Variants in MEI1 observed in about 807,000 individuals in gnomAD.
The protein encoded by MEI1 is meiotic double-stranded break formation protein 1.
A neutral mutation model predicts 146.2 loss-of-function variants in MEI1; 103 were observed. The observed-to-expected ratio is 0.70, with a 90% confidence interval of 0.60 to 0.83. The LOEUF (loss-of-function observed/expected upper bound fraction) is 0.83. MEI1 is among the 40% of genes least tolerant of loss of function. The pLI, the probability that MEI1 is intolerant of heterozygous loss-of-function variation, is 0.00. For synonymous variants in MEI1, 652 were observed against 628.2 expected, an observed-to-expected ratio of 1.04 and a Z score of -0.57; for missense variants, 1,529 against 1,533.0, an observed-to-expected ratio of 1.00 and a Z score of 0.04.
At chr22:41,735,418 G>A (rs2072267689) in intron 11 of MEI1, among the ~76,000 whole-genome samples, 1 of 151,978 alleles carries the variant, frequency 6.6e-6, no homozygotes, top group South Asian at 2.1e-4. Flanking sequence ...ATTTTTAGTA[G>A]AGACGGGGTT....
At chr22:41,779,239 G>A (rs376253348) in intron 22 of MEI1, among the ~76,000 whole-genome samples, 2 of 152,128 alleles carry the variant, frequency 1.3e-5, no homozygotes, top group East Asian at 1.9e-4. Flanking sequence ...TTGAGCTCAG[G>A]AGTTCAAGAC....
chr22:41,782,988 T>G (rs2075820245), intron 24 of MEI1, among the ~76,000 whole-genome samples: 1 of 152,130 alleles, frequency 6.6e-6, no homozygotes, highest in Non-Finnish European at 1.5e-5. Flanking sequence ...AGCCACAGTC[T>G]GTCCTCACAC....
intron 3 of MEI1, chr22:41,709,131 A>G: frequency 1.4e-6 from 1 of 697,774 alleles, no homozygotes; most frequent in South Asian, 1.5e-5. Flanking sequence ...GCTTAAAAAA[A>G]TTCTGCATTT....
chr22:41,718,008 G>A, intron 5 of MEI1, 63 bp from the exon 6 acceptor site: 1 of 1,272,480 alleles, frequency 7.9e-7, no homozygotes, highest in Non-Finnish European at 1.1e-6. Flanking sequence ...TAATAGATTG[G>A]AGTTTCATAT....
intron 21 of MEI1, among the ~76,000 whole-genome samples, chr22:41,776,942 T>G (rs2075470476): frequency 6.6e-6 from 1 of 151,774 alleles, no homozygotes; most frequent in Non-Finnish European, 1.5e-5. Context: ...GCCTCCCAAG[T>G]AGCTGGGACT....
In MEI1 at chr22:41,743,038, C is replaced by T. The variant is rs763849711; in HGVS notation, c.1332-42C>T. On this transcript the variant is annotated intron_variant, in intron 11 of 30. Coordinates refer to ENST00000401548, the MANE Select transcript of MEI1 (RefSeq NM_152513.4). ...GAACCTGGGGTTATCTTGGGAATAC[C>T]GTTGCCTTACCGTGAACCTGCTTTT... The T allele has an allele frequency of 2.7e-5, 39 of 1,431,984 alleles. 1 individual carries two copies. Among genetic ancestry groups the T allele is most frequent in the Non-Finnish European group, 4.9e-6 (5 of 1,022,120 alleles). 88.7% of individuals were successfully genotyped at this position (1,431,984 alleles called of 1,614,324 possible).
chr22:41,793,132 G>T (rs2076244394), intron 26 of MEI1, among the ~76,000 whole-genome samples: 2 of 143,412 alleles, frequency 1.4e-5, no homozygotes, highest in Non-Finnish European at 3.0e-5. Context: ...TCTGCTCCCG[G>T]GTTCAAGCAA....
At chr22:41,794,035 T>C in intron 27 of MEI1, 125 bp downstream of exon 27, 4 of 948,308 alleles carry the variant, frequency 4.2e-6, no homozygotes, top group African/African-American at 1.6e-5. Flanking sequence ...TTAATTCTTT[T>C]AGCAGCACTG....
At chr22:41,742,215 ACAC>A (rs1569227463) in intron 11 of MEI1, among the ~76,000 whole-genome samples, 1 of 152,010 alleles carries the variant, frequency 6.6e-6, no homozygotes. Flanking sequence ...AGCCAAGATC[ACAC>A]CACTGCACTC....
chr22:41,701,088 C>T (rs1334045783), intron 1 of MEI1, among the ~76,000 whole-genome samples: 2 of 151,856 alleles, frequency 1.3e-5, no homozygotes, highest in South Asian at 2.1e-4. Context: ...TACATGCATG[C>T]GTCACTACGC....
At position 41,795,882 on chromosome 22, in the gene MEI1, C is replaced by T; in HGVS notation, c.3779+35C>T. 1 of 1,612,604 alleles carries T rather than the reference C, an allele frequency of 6.2e-7. No individual in the cohort carries two copies. Among genetic ancestry groups the T allele is most frequent in the African/African-American group, 1.3e-5 (1 of 74,908 alleles). On this transcript the variant is annotated intron_variant, in intron 30 of 30. Transcript: ENST00000401548. The surrounding 1 kb of genome is among the most constrained non-coding windows in gnomAD (Gnocchi z 4.2). ...CTTGCATCTATGATGAAGGAGATGC[C>T]AAATCACTGGGTGTTTGGGGCTTCT...
At position 41,770,899 on chromosome 22, in the gene MEI1, G is replaced by A; in HGVS notation, c.2482G>A (p.Ala828Thr). The A allele has an allele frequency of 6.2e-7, 1 of 1,614,018 alleles. No homozygotes were observed. Among genetic ancestry groups the A allele is most frequent in the Non-Finnish European group, 8.5e-7 (1 of 1,179,896 alleles). Residue 828 changes from alanine to threonine, a missense_variant, in exon 20 of 31, where the codon GCC (alanine) becomes ACC (threonine). Ala to Thr is a moderately conservative substitution (Grantham distance 58, BLOSUM62 0). Around this residue, in one of 3 missense-constraint regions of MEI1, gnomAD observed 1,212 missense variants for 1,178.9 expected, o/e 1.03. Coordinates refer to ENST00000401548, the MANE Select transcript of MEI1 (RefSeq NM_152513.4). The part of the protein sequence containing the change: ...VTSAGQPALP[A>T]SLVVLFQLLR... Reference sequence around the variant, plus strand: ...CTCTGCTGGGCAGCCCGCCCTTCCTGCCAGCTTAGTAGTCCTGTTCCAGTT... The same window carrying A: ...CTCTGCTGGGCAGCCCGCCCTTCCTACCAGCTTAGTAGTCCTGTTCCAGTT...
Position 41,716,049 on chromosome 22 carries a change from C to T in MEI1, c.432C>T (p.Asn144=), listed in dbSNP as rs1296969123. The T allele has an allele frequency of 1.9e-6, 3 of 1,607,942 alleles. No homozygotes were observed. The highest frequency in any genetic ancestry group is 2.5e-6 in the Non-Finnish European group (3 of 1,176,924). Residue 144 remains asparagine (N), a synonymous_variant, in exon 5 of 31, where the codon AAC becomes AAT. Coordinates refer to ENST00000401548, the MANE Select transcript of MEI1 (RefSeq NM_152513.4). ...ATATTCACTTTCTGTAGCTGTGTAA[C>T]ATGCCCTCCATGCGAGGCAGCCTGG... is the stretch of plus-strand genomic sequence containing the variant. The part of the protein sequence containing the change: ...LLDECHKELC[N]MPSMRGSLAT...
chr22:41,729,415 C>T (rs1034900020), intron 7 of MEI1, among the ~76,000 whole-genome samples: 1 of 152,180 alleles, frequency 6.6e-6, no homozygotes, highest in African/African-American at 2.4e-5. Flanking sequence ...ATAACAGTTA[C>T]AGTGTTCTTT....
At chr22:41,729,225 C>T (rs1038079575) in intron 7 of MEI1, among the ~76,000 whole-genome samples, 3 of 147,904 alleles carry the variant, frequency 2.0e-5, no homozygotes, top group African/African-American at 5.0e-5. Flanking sequence ...CCCCGCTACT[C>T]AGGAGGCTGA....
At chr22:41,707,637 T>C (rs1021663114) in intron 3 of MEI1, among the ~76,000 whole-genome samples, 5 of 151,638 alleles carry the variant, frequency 3.3e-5, no homozygotes, top group African/African-American at 7.3e-5. Context: ...AGCAAGACTG[T>C]CTCTTAAAAA....
intron 6 of MEI1, among the ~76,000 whole-genome samples, chr22:41,718,611 A>G (rs1369610482): frequency 6.6e-6 from 1 of 152,200 alleles, no homozygotes; most frequent in Non-Finnish European, 1.5e-5. Context: ...AAATTCTTCC[A>G]TGGTTCCCTC....
At chr22:41,793,415 C>G (rs1010418398) in intron 26 of MEI1, among the ~76,000 whole-genome samples, 23 of 152,170 alleles carry the variant, frequency 1.5e-4, no homozygotes, top group African/African-American at 5.6e-4. Context: ...GATTCTCCTG[C>G]CTCAACCTCC....
chr22:41,752,631 C>G lies in MEI1; in HGVS notation c.1833C>G (p.Ala611=), dbSNP rs761103383. 3.8e-6 allele frequency: 6 copies of G among 1,598,358 alleles called. No homozygotes were observed. Among genetic ancestry groups the G allele is most frequent in the Non-Finnish European group, 5.1e-6 (6 of 1,172,602 alleles). Residue 611 remains alanine (A), a synonymous_variant, in exon 16 of 31, where the codon GCC becomes GCG. Coordinates refer to ENST00000401548, the MANE Select transcript of MEI1 (RefSeq NM_152513.4). Reference sequence around the variant, plus strand: ...TACGACTGACCCTGGAGCTGAAGGCCAGGTTTTGCAGTGGTCTGAGGTATG... The same window carrying G: ...TACGACTGACCCTGGAGCTGAAGGCGAGGTTTTGCAGTGGTCTGAGGTATG... ...SFIRLTLELK[A]RFCSGLSHSA... is the part of the protein sequence containing the mutation.
Sources: gnomAD v4.1 joint callset for allele counts (sites outside exome capture counted in the v4.1 genomes callset) on GRCh38, gnomAD v4.1.1 for gene constraint, gnomAD v4.1.1 regional missense constraint, Gnocchi (gnomAD v3.1) non-coding constraint, MANE v1.5 for transcripts, NCBI Gene and HGNC (gene_info 2026-07-23, HGNC 2026-07-21) for gene names.